Variants in DDHD2 observed in about 807,000 individuals in gnomAD.
DDHD2 encodes the protein triacylglycerol hydrolase DDHD2.
A neutral mutation model predicts 91.2 loss-of-function variants in DDHD2; 62 were observed. The ratio of observed to expected loss-of-function variants is 0.68; its 90% CI spans 0.55 to 0.84. The LOEUF (loss-of-function observed/expected upper bound fraction) is 0.84, where lower values mean the gene tolerates loss of function less well. Among genes scored for constraint, DDHD2 ranks in the 40% least tolerant of loss-of-function variants. The pLI is 0.00. For synonymous variants in DDHD2, 271 were observed against 293.9 expected (o/e 0.92, Z 0.80); for missense variants, 740 against 846.9 (o/e 0.87, Z 1.57).
chr8:38,252,665 A>G (rs1214966527), intron 13 of DDHD2, 57 bp from the exon 14 acceptor site: 2 of 1,220,808 alleles, frequency 1.6e-6, no homozygotes, highest in Non-Finnish European at 2.3e-6. Flanking sequence ...AAAAAGTTAT[A>G]TAGTTTCCAG....
chr8:38,268,493 C>G (rs1254256158), intron 1 of DDHD2: 1 of 1,549,464 alleles, frequency 6.5e-7, no homozygotes, highest in East Asian at 2.4e-5. Flanking sequence ...TAAAAACAAT[C>G]CAAAAAAAAG....
chr8:38,271,390 A>G (rs1414089417), exon 2 of DDHD2: 1 of 152,052 alleles, frequency 6.6e-6, no homozygotes, highest in East Asian at 1.9e-4. Context: ...TACCTGTGGT[A>G]AACATTATCC....
In DDHD2 at chr8:38,238,219, A is replaced by G; in HGVS notation, c.622+10A>G. 6.2e-7 allele frequency: 1 copy of G among 1,613,460 alleles called. No individual in the cohort carries two copies. The highest frequency in any genetic ancestry group is 8.5e-7 in the Non-Finnish European group (1 of 1,179,612). On this transcript the variant is annotated intron_variant, in intron 5 of 17. Coordinates refer to ENST00000397166, the MANE Select transcript of DDHD2 (RefSeq NM_015214.3). ...GTTGACATTCATTGTGGTAATGTTA[A>G]TCGTTTATTTTTTCTTACCTTTGGA... is the stretch of plus-strand genomic sequence containing the variant.
At chr8:38,240,141 A>G (rs1805138724) in intron 5 of DDHD2, 134 bp from the exon 6 acceptor site, 1 of 435,164 alleles carries the variant, frequency 2.3e-6, no homozygotes, top group Non-Finnish European at 4.1e-6. Context: ...TAGGTACTTA[A>G]AGGACTATTT....
In DDHD2 at chr8:38,231,814, C is replaced by T. The variant is rs1200157975; in HGVS notation, c.-54C>T. ...GGCCGCGGCCGGGCCATGCAGTGTC[C>T]TCCTCAGGGAGGGCAGGAGAGCCTG... On this transcript the variant is annotated 5_prime_UTR_variant, in exon 1 of 18. Transcript: ENST00000397166. 1.3e-5 allele frequency: 2 copies of T among 152,530 alleles called. No homozygotes were observed. Among genetic ancestry groups the T allele is most frequent in the African/African-American group, 4.8e-5 (2 of 41,568 alleles). The allele number at this position is 152,530 out of a possible 1,614,324, so 9.4% of individuals were successfully genotyped here. A position where few individuals can be genotyped will look rare whatever the true frequency, so the allele number is the denominator to read the frequency against.
chr8:38,249,591 ATGT>A, intron 10 of DDHD2, 114 bp from the exon 11 acceptor site: 1 of 491,944 alleles, frequency 2.0e-6, no homozygotes, highest in East Asian at 3.1e-5. Flanking sequence ...TTATTCTATG[ATGT>A]TTTACTACTA....
chr8:38,256,152 C>G (rs1161929808), intron 16 of DDHD2, among the ~76,000 whole-genome samples: 1 of 152,064 alleles, frequency 6.6e-6, no homozygotes, highest in Non-Finnish European at 1.5e-5. Flanking sequence ...TTCCTTGTGC[C>G]TTTTGTAATC....
rs1199199992 is a variant in DDHD2 at position 38,240,260 on chromosome 8, T to G, written c.623-15T>G. ...TAATTATACAGAATAATTTTCTTTTTAATTTCATTTATAGGAGAACCTTTA... is the reference window on the plus strand; with the variant it reads ...TAATTATACAGAATAATTTTCTTTTGAATTTCATTTATAGGAGAACCTTTA... On this transcript the variant is annotated splice_polypyrimidine_tract_variant and intron_variant, in intron 5 of 17. Coordinates refer to ENST00000397166, the MANE Select transcript of DDHD2 (RefSeq NM_015214.3). 17 of 1,547,656 alleles carry G rather than the reference T, an allele frequency of 1.1e-5. No homozygotes were observed. The highest frequency in any genetic ancestry group is 1.4e-5 in the Non-Finnish European group (16 of 1,123,710).
chr8:38,263,761 A>C (rs748503940), downstream of DDHD2: 29 of 985,426 alleles, frequency 2.9e-5, no homozygotes, highest in Middle Eastern at 5.2e-4. Context: ...ATGGAAATTA[A>C]GTTTTGATAA....
chr8:38,253,552 C>A lies in DDHD2; in HGVS notation c.1892-4C>A, dbSNP rs1183680663. On this transcript the variant is annotated splice_polypyrimidine_tract_variant and splice_region_variant and intron_variant, in intron 15 of 17. Coordinates refer to ENST00000397166, the MANE Select transcript of DDHD2 (RefSeq NM_015214.3). The stretch of plus-strand genomic sequence containing the variant: ...GATTCTTATTATGGTTCTTCCATAT[C>A]CAGATGTTAACACAGAAGAGACCTC... 6.2e-7 allele frequency: 1 copy of A among 1,610,826 alleles called. No individual in the cohort carries two copies. Among genetic ancestry groups the A allele is most frequent in the South Asian group, 1.1e-5 (1 of 90,478 alleles).
chr8:38,243,704 T>G (rs1027587382), intron 7 of DDHD2, among the ~76,000 whole-genome samples: 3 of 151,886 alleles, frequency 2.0e-5, no homozygotes, highest in Non-Finnish European at 2.9e-5. Context: ...CACAGCTCAC[T>G]GCAGCCTGGA....
intron 16 of DDHD2, among the ~76,000 whole-genome samples, chr8:38,259,200 C>T (rs1806770607): frequency 6.7e-6 from 1 of 149,292 alleles, no homozygotes; most frequent in Admixed American, 6.7e-5. Flanking sequence ...AGGAACAATT[C>T]TTGGTTATTT....
intron 16 of DDHD2, among the ~76,000 whole-genome samples, chr8:38,257,662 A>ATT (rs35509320): frequency 1.5e-4 from 16 of 109,364 alleles, no homozygotes; most frequent in East Asian, 5.7e-4. Context: ...TTACCACAGT[A>ATT]TTTTTTTTTT....
chr8:38,272,824 G>A (rs1321700328), downstream of DDHD2: 1 of 152,124 alleles, frequency 6.6e-6, no homozygotes, highest in African/African-American at 2.4e-5. Flanking sequence ...TATTTCATTG[G>A]TGTATCACAG....
chr8:38,263,499 C>T (rs1340166941), downstream of DDHD2: 15 of 985,346 alleles, frequency 1.5e-5, no homozygotes, highest in African/African-American at 1.7e-5. Flanking sequence ...TGAAACCACA[C>T]TCCTGACCAT....
At chr8:38,269,284 T>C (rs776112451) in intron 1 of DDHD2, 83 of 1,281,094 alleles carry the variant, frequency 6.5e-5, no homozygotes, top group Non-Finnish European at 8.0e-5. Flanking sequence ...CCGCCCCCTC[T>C]CCCAGTTGCC....
intron 9 of DDHD2, chr8:38,247,192 G>GC (rs1421513849): frequency 6.7e-6 from 1 of 149,984 alleles, no homozygotes; most frequent in East Asian, 2.0e-4. Context: ...GAATGCAGTG[G>GC]CATGATCTCG....
chr8:38,261,822 C>T lies in DDHD2; in HGVS notation c.*1249C>T, dbSNP rs1001118760. Reference sequence around the variant, plus strand: ...TCTTCATTGGTCAGTTTGTCATTGTCTTTGTAGTTCTCTTTATGATAATCC... The same window carrying T: ...TCTTCATTGGTCAGTTTGTCATTGTTTTTGTAGTTCTCTTTATGATAATCC... On this transcript the variant is annotated 3_prime_UTR_variant, in exon 18 of 18. Coordinates refer to ENST00000397166, the MANE Select transcript of DDHD2 (RefSeq NM_015214.3). 6.6e-6 allele frequency: 1 copy of T among 152,130 alleles called. No individual in the cohort carries two copies. Among genetic ancestry groups the T allele is most frequent in the African/African-American group, 2.4e-5 (1 of 41,420 alleles). 9.4% of individuals were successfully genotyped at this position (152,130 alleles called of 1,614,324 possible). A position where few individuals can be genotyped will look rare whatever the true frequency, so the allele number is the denominator to read the frequency against.
chr8:38,240,051 A>G (rs1805131655), intron 5 of DDHD2, among the ~76,000 whole-genome samples: 1 of 152,124 alleles, frequency 6.6e-6, no homozygotes, highest in South Asian at 2.1e-4. Flanking sequence ...ATCAGAAAAA[A>G]AAGAAAAAAG....
Sources: gnomAD v4.1 joint callset for allele counts (sites outside exome capture counted in the v4.1 genomes callset) on GRCh38, gnomAD v4.1.1 for gene constraint, MANE v1.5 for transcripts, NCBI Gene and HGNC (gene_info 2026-07-23, HGNC 2026-07-21) for gene names.